Variants in DIAPH2 observed in about 807,000 individuals in gnomAD.
DIAPH2 encodes the protein protein diaphanous homolog 2.
DIAPH2 carries 35 observed loss-of-function variants against 92.7 expected under a neutral mutation model. The ratio of observed to expected loss-of-function variants is 0.38; its 90% CI spans 0.29 to 0.50. DIAPH2 has a LOEUF of 0.50. DIAPH2 is among the 20% of genes least tolerant of loss of function. The pLI, the probability that DIAPH2 is intolerant of heterozygous loss-of-function variation, is 0.94. For missense variants in DIAPH2, 701 were observed against 819.5 expected (o/e 0.86, Z 1.77); for synonymous variants, 301 against 280.4 (o/e 1.07, Z -0.73).
intron 24 of DIAPH2, among the ~76,000 whole-genome samples, chrX:97,364,787 T>C (rs1413400346): frequency 1.9e-5 from 2 of 105,590 alleles, no homozygotes; most frequent in African/African-American, 6.9e-5. Flanking sequence ...TTGGATCTCC[T>C]TCCTTCAATC....
chrX:96,831,401 C>A (rs1452721039), intron 4 of DIAPH2, among the ~76,000 whole-genome samples: 2 of 111,863 alleles, frequency 1.8e-5, no homozygotes, highest in Non-Finnish European at 3.8e-5. Context: ...ACTCTGTAGC[C>A]ATAGCTGGGT....
intron 22 of DIAPH2, among the ~76,000 whole-genome samples, chrX:97,160,385 G>C (rs137939198): frequency 2.6e-3 from 290 of 112,641 alleles, no homozygotes; most frequent in African/African-American, 8.8e-3. Context: ...GTAGAAACCA[G>C]TTACAAGGAA....
At chrX:97,536,837 C>G (rs141186614) in intron 26 of DIAPH2, among the ~76,000 whole-genome samples, 1,253 of 111,593 alleles carry the variant, frequency 0.011, 14 homozygotes, top group African/African-American at 0.038. Flanking sequence ...TGTACACAAG[C>G]AATTAAGTCT....
chrX:97,432,683 C>T (rs1257065680), intron 26 of DIAPH2, among the ~76,000 whole-genome samples: 3 of 111,290 alleles, frequency 2.7e-5, no homozygotes, highest in Non-Finnish European at 3.8e-5. Context: ...GATGGTATTT[C>T]GCCAGGTTGG....
intron 26 of DIAPH2, among the ~76,000 whole-genome samples, chrX:97,505,512 TAATGGAGCC>T: frequency 8.9e-6 from 1 of 111,997 alleles, no homozygotes; most frequent in Middle Eastern, 4.6e-3. Context: ...GAGTTTGCAG[TAATGGAGCC>T]AATAGCCTCA....
chrX:96,850,212 A>G (rs1256932976), intron 4 of DIAPH2, among the ~76,000 whole-genome samples: 1 of 111,604 alleles, frequency 9.0e-6, no homozygotes, highest in Non-Finnish European at 1.9e-5. Context: ...GTTTACATTA[A>G]ATTGGTCTCA....
intron 22 of DIAPH2, among the ~76,000 whole-genome samples, chrX:97,194,486 G>A (rs1267665970): frequency 2.2e-4 from 24 of 109,710 alleles, no homozygotes; most frequent in African/African-American, 3.6e-4. Flanking sequence ...GGGTTTCACT[G>A]TGTTAGCCAG....
chrX:96,695,502 G>T (rs1037832970), intron 1 of DIAPH2, among the ~76,000 whole-genome samples: 6 of 111,647 alleles, frequency 5.4e-5, no homozygotes, highest in Admixed American at 4.8e-4. Context: ...AGCTGAGTTG[G>T]TCTGGGACAA....
At position 97,523,180 on chromosome X, in the gene DIAPH2, G is replaced by C. The variant is rs1232058281; in HGVS notation, c.3242-76073G>C. Among the ~76,000 whole-genome samples, 5 of 111,334 alleles carry C rather than the reference G, an allele frequency of 4.5e-5. No individual in the cohort carries two copies. In the East Asian group the frequency reaches 1.4e-3, roughly 32 times the overall value. On this transcript the variant is annotated intron_variant, in intron 26 of 26. Coordinates refer to ENST00000324765, the MANE Select transcript of DIAPH2 (RefSeq NM_006729.5). ...GCCTGGTGAATTTTTAAATCAAATT[G>C]GTGGAAAATTGGAATGTTTTCCTCT...
Position 97,099,809 on chromosome X carries a change from A to G in DIAPH2, c.2349+14A>G. On this transcript the variant is annotated intron_variant, in intron 20 of 26. Transcript: ENST00000324765. ...TTTGGAGTTGTGGTATGTATCCAAC[A>G]TGAGGGACCACAAACTCAGCTGGGA... The G allele has an allele frequency of 9.8e-7, 1 of 1,015,303 alleles. No individual in the cohort carries two copies. Among genetic ancestry groups the G allele is most frequent in the East Asian group, 3.4e-5 (1 of 29,446 alleles). The allele number at this position is 1,015,303 out of a possible 1,213,427, so 83.7% of individuals were successfully genotyped here.
chrX:97,336,327 C>A (rs1420231466), intron 23 of DIAPH2, among the ~76,000 whole-genome samples: 1 of 104,991 alleles, frequency 9.5e-6, no homozygotes, highest in Non-Finnish European at 1.9e-5. Flanking sequence ...TCACTGTAAG[C>A]TCCGCCTCCC....
chrX:96,804,805 T>G (rs1044571255), intron 4 of DIAPH2, among the ~76,000 whole-genome samples: 10 of 111,817 alleles, frequency 8.9e-5, no homozygotes, highest in African/African-American at 3.2e-4. Flanking sequence ...ACTATCATCT[T>G]GAAAAAGTAA....
rs187749271 is a variant in DIAPH2, at chrX:96,780,566, C to G, written c.447+22308C>G. Reference sequence around the variant, plus strand: ...GCACGATCTAAGCTCACTGCAACCTCTGCCTTCTGGGTTCAAGCGATTCTC... The same window carrying G: ...GCACGATCTAAGCTCACTGCAACCTGTGCCTTCTGGGTTCAAGCGATTCTC... On this transcript the variant is annotated intron_variant, in intron 4 of 26. Coordinates refer to ENST00000324765, the MANE Select transcript of DIAPH2 (RefSeq NM_006729.5). Among the ~76,000 whole-genome samples, 111 of 110,788 alleles carry G rather than the reference C, an allele frequency of 1.0e-3. 1 individual carries two copies. The highest frequency in any genetic ancestry group is 4.7e-3 in the South Asian group (12 of 2,576).
intron 22 of DIAPH2, among the ~76,000 whole-genome samples, chrX:97,175,829 A>G (rs1481746577): frequency 2.7e-5 from 3 of 112,333 alleles, no homozygotes; most frequent in Non-Finnish European, 5.6e-5. Flanking sequence ...AGCTGAGCTT[A>G]AAATATTTTT....
intron 25 of DIAPH2, among the ~76,000 whole-genome samples, chrX:97,387,455 G>C (rs1234290389): frequency 8.9e-6 from 1 of 112,171 alleles, no homozygotes; most frequent in African/African-American, 3.2e-5. Context: ...AGGAGGACAG[G>C]CTAGAGACCC....
chrX:97,515,347 C>G (rs1358797690), intron 26 of DIAPH2, among the ~76,000 whole-genome samples: 1 of 112,832 alleles, frequency 8.9e-6, no homozygotes. Flanking sequence ...CTGAGTGAGG[C>G]AATGCCTCGC....
chrX:97,546,474 A>G (rs867685683), intron 26 of DIAPH2, among the ~76,000 whole-genome samples: 2 of 111,336 alleles, frequency 1.8e-5, no homozygotes, highest in African/African-American at 6.5e-5. Flanking sequence ...CGTACCATCC[A>G]TCAGTACATT....
At chrX:96,859,796 C>G (rs1188245625) in intron 4 of DIAPH2, among the ~76,000 whole-genome samples, 1 of 109,765 alleles carries the variant, frequency 9.1e-6, no homozygotes, top group Non-Finnish European at 1.9e-5. Flanking sequence ...CGCCCACCAC[C>G]ACGCCCGGCT....
intron 4 of DIAPH2, among the ~76,000 whole-genome samples, chrX:96,848,773 A>G (rs1273632598): frequency 8.9e-6 from 1 of 112,003 alleles, no homozygotes; most frequent in African/African-American, 3.2e-5. Context: ...TTTTTTTTGG[A>G]AAAAGTATGA....
Sources: allele counts gnomAD v4.1 joint callset (sites outside exome capture counted in the v4.1 genomes callset), GRCh38; gene constraint gnomAD v4.1.1; transcripts MANE v1.5; gene names NCBI Gene and HGNC (gene_info 2026-07-23, HGNC 2026-07-21).